MED22: variants seen among roughly 807,000 people sequenced by gnomAD.
The protein encoded by MED22 is mediator of RNA polymerase II transcription subunit 22.
A neutral mutation model predicts 22.7 loss-of-function variants in MED22; 22 were observed. The observed-to-expected ratio is 0.97, with a 90% CI of 0.69 to 1.38. The LOEUF is 1.38. MED22 is among the 40% of genes most tolerant of loss of function. The pLI is 0.00. For synonymous variants in MED22, 134 were observed against 119.4 expected, an observed-to-expected ratio of 1.12 and a Z score of -0.80; for missense variants, 247 against 263.0, an observed-to-expected ratio of 0.94 and a Z score of 0.42.
intron 4 of MED22, 61 bp from the exon 5 acceptor site, chr9:133,341,755 A>T (rs1386567021): frequency 2.5e-5 from 39 of 1,568,750 alleles, no homozygotes; most frequent in Non-Finnish European, 3.2e-5. Flanking sequence ...AAGCCAGGGG[A>T]GGGGAGAGCA....
chr9:133,339,110 G>A lies in MED22; in HGVS notation c.*2395C>T. On this transcript the variant is annotated 3_prime_UTR_variant, in exon 5 of 5. Coordinates refer to ENST00000343730, the MANE Select transcript of MED22 (RefSeq NM_133640.5). ...AATTGATGAGAAAGGTGATATTGTA[G>A]ATATCAAGGGAATGGGTACTGTTCA... 1.5e-6 allele frequency: 1 copy of A among 671,546 alleles called. No homozygotes were observed. Among genetic ancestry groups the A allele is most frequent in the Non-Finnish European group, 2.8e-6 (1 of 358,406 alleles). 41.6% of individuals were successfully genotyped at this position (671,546 alleles called of 1,614,324 possible). A position where few individuals can be genotyped will look rare whatever the true frequency, so the allele number is the denominator to read the frequency against.
In MED22 at chr9:133,341,434, G is replaced by A; in HGVS notation, c.*71C>T. 7.1e-7 allele frequency: 1 copy of A among 1,401,660 alleles called. No homozygotes were observed. The highest frequency in any genetic ancestry group is 9.3e-7 in the Non-Finnish European group (1 of 1,077,566). The allele number at this position is 1,401,660 out of a possible 1,614,324, so 86.8% of individuals were successfully genotyped here. On this transcript the variant is annotated 3_prime_UTR_variant, in exon 5 of 5. Transcript: ENST00000343730. ...CAAATGGGAACCTAGGCTGAGAGAA[G>A]CAAGGCTGTGAGGGCATCCAAAGGG... is the stretch of plus-strand genomic sequence containing the variant.
Position 133,340,211 on chromosome 9 carries a change from A to T in MED22, c.*1294T>A, listed in dbSNP as rs1229529301. On this transcript the variant is annotated 3_prime_UTR_variant, in exon 5 of 5. Coordinates refer to ENST00000343730, the MANE Select transcript of MED22 (RefSeq NM_133640.5). ...AGAGGGGAAGCAACTTCCCTAGGCC[A>T]CCCCAGAAGCCAGGTCCAGAGCCAG... 6.6e-6 allele frequency: 1 copy of T among 152,074 alleles called. No homozygotes were observed. The highest frequency in any genetic ancestry group is 1.5e-5 in the Non-Finnish European group (1 of 68,044). 9.4% of individuals were successfully genotyped at this position (152,074 alleles called of 1,614,324 possible).
chr9:133,346,755 T>A lies in MED22; in HGVS notation c.-38-55A>T. On this transcript the variant is annotated intron_variant, in intron 1 of 4. Coordinates refer to ENST00000343730, the MANE Select transcript of MED22 (RefSeq NM_133640.5). ...GGCAGAGTCTACCCCAGCCACCCTC[T>A]ATGCCCCAACCTTAGCAGAACACGC... 1.4e-6 allele frequency: 2 copies of A among 1,475,948 alleles called. 1 individual carries two copies. The highest frequency in any genetic ancestry group is 2.5e-5 in the South Asian group (2 of 80,112). 91.4% of individuals were successfully genotyped at this position (1,475,948 alleles called of 1,614,324 possible). A position where few individuals can be genotyped will look rare whatever the true frequency, so the allele number is the denominator to read the frequency against.
intron 4 of MED22, chr9:133,343,025 A>C: frequency 1.0e-6 from 1 of 986,750 alleles, no homozygotes; most frequent in South Asian, 4.7e-5. Context: ...CCTCTCAGCC[A>C]CCCTAGTGTG....
chr9:133,343,495 T>C, intron 4 of MED22: 66 of 1,235,572 alleles, frequency 5.3e-5, no homozygotes, highest in Non-Finnish European at 6.6e-5. Context: ...CCCTTCTGCA[T>C]CCCTGGGACC....
At chr9:133,342,815 T>C (rs1422648609) in intron 4 of MED22, 38 of 985,462 alleles carry the variant, frequency 3.9e-5, no homozygotes, top group Non-Finnish European at 4.5e-5. Context: ...ACAGATGTCC[T>C]GGGTTTGCGC....
chr9:133,342,246 C>T lies in MED22; in HGVS notation c.414-552G>A, dbSNP rs1004109064. 6 of 986,310 alleles carry T rather than the reference C, an allele frequency of 6.1e-6. No homozygotes were observed. In the African/African-American group the frequency reaches 1.0e-4, roughly 17 times the overall value. 61.1% of individuals were successfully genotyped at this position (986,310 alleles called of 1,614,324 possible). A position where few individuals can be genotyped will look rare whatever the true frequency, so the allele number is the denominator to read the frequency against. On this transcript the variant is annotated intron_variant, in intron 4 of 4. Transcript: ENST00000343730. ...AGGCGGCCTCCAGCAGGCGTCCCCACCTCTAACACGGGGAATCCTCACGGC... is the reference window on the plus strand; with the variant it reads ...AGGCGGCCTCCAGCAGGCGTCCCCATCTCTAACACGGGGAATCCTCACGGC...
intron 2 of MED22, among the ~76,000 whole-genome samples, chr9:133,345,653 G>A (rs1195701782): frequency 1.3e-5 from 2 of 151,978 alleles, no homozygotes; most frequent in African/African-American, 2.4e-5. Flanking sequence ...TTTTTTTCGC[G>A]ACCATTTCCT....
At chr9:133,346,051 T>G (rs1057465312) in intron 2 of MED22, among the ~76,000 whole-genome samples, 21 of 152,230 alleles carry the variant, frequency 1.4e-4, no homozygotes, top group Non-Finnish European at 8.8e-5. Flanking sequence ...ACTAAGTACA[T>G]GCTAGCTTCC....
Position 133,348,047 on chromosome 9 carries a change from C to T in MED22, c.-164G>A. Reference sequence around the variant, plus strand: ...CGGCCTGGCCCTCCCGCCGCAGTCTCTCTTCCCCGCCGCGCCGCGGTCCGA... The same window carrying T: ...CGGCCTGGCCCTCCCGCCGCAGTCTTTCTTCCCCGCCGCGCCGCGGTCCGA... On this transcript the variant is annotated 5_prime_UTR_variant, in exon 1 of 5. Transcript: ENST00000343730. 1.3e-6 allele frequency: 1 copy of T among 742,544 alleles called. No homozygotes were observed. The allele number at this position is 742,544 out of a possible 1,614,324, so 46.0% of individuals were successfully genotyped here.
chr9:133,339,479 A>G lies in MED22; in HGVS notation c.*2026T>C. 1 of 697,978 alleles carries G rather than the reference A, an allele frequency of 1.4e-6. No individual in the cohort carries two copies. The highest frequency in any genetic ancestry group is 1.5e-5 in the South Asian group (1 of 67,578). The allele number at this position is 697,978 out of a possible 1,614,324, so 43.2% of individuals were successfully genotyped here. A position where few individuals can be genotyped will look rare whatever the true frequency, so the allele number is the denominator to read the frequency against. ...TTCATGGCATCGTGGGTGTTAAAAA[A>G]ATAAAAGACCTCTGGACTAGAAAGA... On this transcript the variant is annotated 3_prime_UTR_variant, in exon 5 of 5. Coordinates refer to ENST00000343730, the MANE Select transcript of MED22 (RefSeq NM_133640.5).
In MED22 at chr9:133,341,797, C is replaced by CA. The variant is rs2129950997; in HGVS notation, c.414-104dup. The CA allele has an allele frequency of 1.2e-4, 174 of 1,494,350 alleles. No individual in the cohort carries two copies. In the African/African-American group the frequency reaches 2.3e-3, roughly 20 times the overall value. 92.6% of individuals were successfully genotyped at this position (1,494,350 alleles called of 1,614,324 possible). A position where few individuals can be genotyped will look rare whatever the true frequency, so the allele number is the denominator to read the frequency against. Reference sequence around the variant, plus strand: ...AAGCAGAGTTAAGAAAACACGACCACACCCCAGACCTGCCTTTCCCTTTCT... The same window carrying CA: ...AAGCAGAGTTAAGAAAACACGACCACAACCCCAGACCTGCCTTTCCCTTTCT... On this transcript the variant is annotated intron_variant, in intron 4 of 4. Transcript: ENST00000343730.
chr9:133,341,804 G>T (rs1004944338), intron 4 of MED22, 110 bp from the exon 5 acceptor site: 3 of 1,481,856 alleles, frequency 2.0e-6, no homozygotes, highest in Admixed American at 2.9e-5. Flanking sequence ...CCACACCCCA[G>T]ACCTGCCTTT....
rs2129961255 is a variant in MED22, at chr9:133,344,292, G to A, written c.246C>T (p.Leu82=). ...GESLMKLVSD[L]KQFLILNDFP... is the part of the protein sequence containing the mutation. ...AGTCATTGAGGATCAGGAACTGCTT[G>A]AGGTCGGACACCAGCTTCATCAGGG... Residue 82 remains leucine, a synonymous_variant, in exon 4 of 5, where the codon CTC becomes CTT. Transcript: ENST00000343730. 1 of 1,614,168 alleles carries A rather than the reference G, an allele frequency of 6.2e-7. No homozygotes were observed. Among genetic ancestry groups the A allele is most frequent in the Admixed American group, 1.7e-5 (1 of 60,028 alleles).
Position 133,346,651 on chromosome 9 carries a change from C to G in MED22, c.12G>C (p.Gln4His), listed in dbSNP as rs138400651. 4 of 1,611,966 alleles carry G rather than the reference C, an allele frequency of 2.5e-6. No individual in the cohort carries two copies. In the African/African-American group the frequency reaches 5.3e-5, roughly 22 times the overall value. MAQ[Q>H]RALPQSKETL... ...TCTCCTTGCTCTGGGGCAGGGCTCT[C>G]TGCTGGGCCATGGCCGAGCCTCAAG... The change falls in exon 2 of 5, where the codon CAG (glutamine) becomes CAC (histidine). Residue 4 changes from glutamine to histidine, a missense_variant. Gln to His is a conservative substitution (Grantham distance 24). Coordinates refer to ENST00000343730, the MANE Select transcript of MED22 (RefSeq NM_133640.5).
At chr9:133,342,889 G>A in intron 4 of MED22, 1 of 985,610 alleles carries the variant, frequency 1.0e-6, no homozygotes, top group Non-Finnish European at 1.2e-6. Flanking sequence ...AGGCAGGCAG[G>A]CTGAATTACA....
intron 3 of MED22, among the ~76,000 whole-genome samples, chr9:133,344,782 G>C (rs1380192852): frequency 6.6e-6 from 1 of 152,134 alleles, no homozygotes; most frequent in African/African-American, 2.4e-5. Flanking sequence ...TGTTTCTCCT[G>C]TGATCCGAAG....
At chr9:133,346,065 C>T (rs1836170465) in intron 2 of MED22, among the ~76,000 whole-genome samples, 1 of 152,232 alleles carries the variant, frequency 6.6e-6, no homozygotes, top group South Asian at 2.1e-4. Context: ...AGCTTCCATC[C>T]TCATCATCAT....
Sources: gnomAD v4.1 joint callset for allele counts (sites outside exome capture counted in the v4.1 genomes callset) on GRCh38, gnomAD v4.1.1 for gene constraint, MANE v1.5 for transcripts, NCBI Gene and HGNC (gene_info 2026-07-23, HGNC 2026-07-21) for gene names.